BAZ1B: variants seen among roughly 807,000 people sequenced by gnomAD.
BAZ1B encodes the protein bromodomain adjacent to zinc finger domain 1B.
In BAZ1B, 22 loss-of-function variants were observed where a neutral mutation model predicts 153.8. The ratio of observed to expected loss-of-function variants is 0.14; its 90% CI spans 0.10 to 0.20. The LOEUF (loss-of-function observed/expected upper bound fraction) is 0.20. BAZ1B is among the 10% of genes least tolerant of loss of function. The pLI is 1.00. For synonymous variants in BAZ1B, 676 were observed against 633.4 expected (o/e 1.07, Z -1.01); for missense variants, 1,325 against 1,799.3 (o/e 0.74, Z 4.77).
chr7:73,449,839 T>C, intron 14 of BAZ1B, 150 bp from the exon 15 acceptor site: 2 of 811,746 alleles, frequency 2.5e-6, no homozygotes, highest in Non-Finnish European at 3.5e-6. Flanking sequence ...AATGCAGGCA[T>C]TTTCTAAAAA....
At chr7:73,452,392 C>T (rs571159534) in intron 13 of BAZ1B, among the ~76,000 whole-genome samples, 4 of 152,282 alleles carry the variant, frequency 2.6e-5, no homozygotes, top group East Asian at 1.9e-4. Context: ...CCCCATCTTA[C>T]GATGGGTCAA....
At position 73,442,230 on chromosome 7, in the gene BAZ1B, A is replaced by G. The variant is rs1554565189; in HGVS notation, c.4418T>C (p.Val1473Ala). 5 of 1,611,778 alleles carry G rather than the reference A, an allele frequency of 3.1e-6. No homozygotes were observed. In the South Asian group the frequency reaches 5.5e-5, roughly 18 times the overall value. ...CTGTCTTCGTCCCCTGGACTGTCCA[A>G]CGGCCTCTGGCTCACTGTCCCCTTC... Reference protein sequence around the residue: ...EDEGDSEPEAVGQSRGRRQKK With the variant: ...EDEGDSEPEAAGQSRGRRQKK The change falls in exon 19 of 20, where the codon GTT (valine) becomes GCT (alanine). Residue 1473 changes from valine (V) to alanine (A), a missense_variant. Val to Ala is a moderately conservative substitution (Grantham distance 64). This residue lies in a region of BAZ1B where 271 missense variants were observed against 337.2 expected (regional missense o/e 0.80). Coordinates refer to ENST00000339594, the MANE Select transcript of BAZ1B (RefSeq NM_032408.4).
chr7:73,491,918 G>A (rs1789660968), intron 5 of BAZ1B, among the ~76,000 whole-genome samples: 1 of 151,672 alleles, frequency 6.6e-6, no homozygotes, highest in Admixed American at 6.6e-5. Context: ...GCACATACAG[G>A]TGGTGTAGGA....
chr7:73,472,771 ATTTT>A (rs1554572237), intron 7 of BAZ1B, among the ~76,000 whole-genome samples: 2 of 85,282 alleles, frequency 2.3e-5, no homozygotes, highest in Non-Finnish European at 4.7e-5. Context: ...TTATTTATTT[ATTTT>A]GAGATGGAGT....
chr7:73,451,033 A>C (rs1554568062), intron 13 of BAZ1B, 39 bp from the exon 14 acceptor site: 1 of 1,602,160 alleles, frequency 6.2e-7, no homozygotes, highest in Non-Finnish European at 8.5e-7. Context: ...TACTACACTG[A>C]CCAAAGACAC....
intron 6 of BAZ1B, among the ~76,000 whole-genome samples, chr7:73,485,230 T>G (rs1350856969): frequency 2.0e-5 from 3 of 152,048 alleles, no homozygotes; most frequent in African/African-American, 7.2e-5. Flanking sequence ...CTAGCAAATA[T>G]CAATGTTTTT....
intron 17 of BAZ1B, 115 bp from the exon 18 acceptor site, chr7:73,442,943 G>A: frequency 1.2e-6 from 1 of 801,022 alleles, no homozygotes; most frequent in South Asian, 1.7e-5. Context: ...TATTTCCTTG[G>A]CGCAGAGGTG....
At chr7:73,480,512 A>C (rs191071153) in intron 6 of BAZ1B, among the ~76,000 whole-genome samples, 210 of 152,368 alleles carry the variant, frequency 1.4e-3, no homozygotes, top group Non-Finnish European at 1.6e-3. Context: ...AAGTCAAGTA[A>C]TCCAAAATAC....
At chr7:73,500,890 T>TTA (rs1374783410) in intron 3 of BAZ1B, among the ~76,000 whole-genome samples, 1 of 105,272 alleles carries the variant, frequency 9.5e-6, no homozygotes, top group East Asian at 2.6e-4. Context: ...ACTCTGTTTA[T>TTA]AAAAAAAAAA....
Position 73,521,987 on chromosome 7 carries a change from C to T in BAZ1B, c.-54G>A. 2.5e-6 allele frequency: 3 copies of T among 1,205,796 alleles called. No homozygotes were observed. Among genetic ancestry groups the T allele is most frequent in the Non-Finnish European group, 2.1e-6 (2 of 960,128 alleles). 74.7% of individuals were successfully genotyped at this position (1,205,796 alleles called of 1,614,324 possible). On this transcript the variant is annotated 5_prime_UTR_variant, in exon 1 of 20. Coordinates refer to ENST00000339594, the MANE Select transcript of BAZ1B (RefSeq NM_032408.4). ...TGCTGGGGCCGGCCCCGCGGCGCAG[C>T]ACTAGGCCCCGCGGCCCGGAGCGAG... is the stretch of plus-strand genomic sequence containing the variant.
At chr7:73,445,167 AC>A (rs1429571468) in intron 16 of BAZ1B, among the ~76,000 whole-genome samples, 2 of 152,136 alleles carry the variant, frequency 1.3e-5, no homozygotes, top group African/African-American at 2.4e-5. Flanking sequence ...CAGGCTCTCC[AC>A]CACCTTCCCT....
In BAZ1B at chr7:73,493,556, T is replaced by C. The variant is rs373624034; in HGVS notation, c.572-635A>G. On this transcript the variant is annotated intron_variant, in intron 4 of 19. Coordinates refer to ENST00000339594, the MANE Select transcript of BAZ1B (RefSeq NM_032408.4). ...GTAGAAAGATGAGTAAGAATATGACTTGGGCCAGGTGTGGTAGTTCACGCC... is the reference window on the plus strand; with the variant it reads ...GTAGAAAGATGAGTAAGAATATGACCTGGGCCAGGTGTGGTAGTTCACGCC... 2.0e-4 allele frequency among the ~76,000 whole-genome samples: 30 copies of C among 149,514 alleles called. 1 individual carries two copies. The East Asian group carries it at 5.1e-3, about 26-fold the overall frequency.
intron 1 of BAZ1B, among the ~76,000 whole-genome samples, chr7:73,518,576 C>T (rs1790906789): frequency 6.6e-6 from 1 of 151,488 alleles, no homozygotes; most frequent in African/African-American, 2.4e-5. Flanking sequence ...CGCAGTAGTG[C>T]GTGCCTGTAG....
chr7:73,445,053 G>A (rs910325031), intron 16 of BAZ1B, among the ~76,000 whole-genome samples: 1 of 151,318 alleles, frequency 6.6e-6, no homozygotes, highest in East Asian at 1.9e-4. Context: ...ACACACAAAG[G>A]CACTGAGACT....
rs1787865731 is a variant in BAZ1B at position 73,447,114 on chromosome 7, C to T, written c.3844+150G>A. The stretch of plus-strand genomic sequence containing the variant: ...ACGCCATCTTGGAAACCCATTTAAA[C>T]CCATGGCAGCTAAGTTACGCCACAG... On this transcript the variant is annotated intron_variant, in intron 16 of 19. Coordinates refer to ENST00000339594, the MANE Select transcript of BAZ1B (RefSeq NM_032408.4). 4 of 1,445,026 alleles carry T rather than the reference C, an allele frequency of 2.8e-6. No individual in the cohort carries two copies. The South Asian group carries it at 3.8e-5, about 14-fold the overall frequency. The allele number at this position is 1,445,026 out of a possible 1,614,324, so 89.5% of individuals were successfully genotyped here.
intron 7 of BAZ1B, 108 bp downstream of exon 7, chr7:73,476,759 AC>A: frequency 6.7e-7 from 1 of 1,485,882 alleles, no homozygotes; most frequent in Non-Finnish European, 9.0e-7. Flanking sequence ...CTGGGTTATT[AC>A]ATACAGAAAT....
rs1196512357 is a variant in BAZ1B, at chr7:73,521,941, G to A, written c.-8C>T. The A allele has an allele frequency of 1.6e-5, 23 of 1,452,900 alleles. No homozygotes were observed. Among genetic ancestry groups the A allele is most frequent in the Non-Finnish European group, 2.1e-5 (23 of 1,094,712 alleles). The allele number at this position is 1,452,900 out of a possible 1,614,324, so 90.0% of individuals were successfully genotyped here. ...GCCCAGGAGCGGCGCCATCGCGGCGGCGGCGGTGGGGACTGGCGGCTGCTG... is the reference window on the plus strand; with the variant it reads ...GCCCAGGAGCGGCGCCATCGCGGCGACGGCGGTGGGGACTGGCGGCTGCTG... On this transcript the variant is annotated 5_prime_UTR_variant, in exon 1 of 20. Transcript: ENST00000339594.
intron 13 of BAZ1B, among the ~76,000 whole-genome samples, chr7:73,453,165 A>G (rs1255738498): frequency 6.6e-6 from 1 of 152,258 alleles, no homozygotes; most frequent in Non-Finnish European, 1.5e-5. Context: ...AGAGCAGTGG[A>G]AAATTTCAAA....
At chr7:73,449,152 C>T (rs1350127256) in intron 15 of BAZ1B, among the ~76,000 whole-genome samples, 1 of 152,124 alleles carries the variant, frequency 6.6e-6, no homozygotes, top group Non-Finnish European at 1.5e-5. Context: ...AAGTTCTACT[C>T]ATGATAGGGA....
Sources: gnomAD v4.1 joint callset for allele counts (sites outside exome capture counted in the v4.1 genomes callset) on GRCh38, gnomAD v4.1.1 for gene constraint, gnomAD v4.1.1 regional missense constraint, MANE v1.5 for transcripts, NCBI Gene and HGNC (gene_info 2026-07-23, HGNC 2026-07-21) for gene names.